Variants in KCNMA1 observed in about 807,000 individuals in gnomAD.
The protein encoded by KCNMA1 is potassium calcium-activated channel subfamily M alpha 1.
A neutral mutation model predicts 140.0 loss-of-function variants in KCNMA1; 29 were observed. The observed-to-expected ratio is 0.21, with a 90% confidence interval of 0.15 to 0.28. The LOEUF (loss-of-function observed/expected upper bound fraction) is 0.28. Among genes scored for constraint, KCNMA1 ranks in the 10% least tolerant of loss-of-function variants. The pLI, the probability that KCNMA1 is intolerant of heterozygous loss-of-function variation, is 1.00. For missense variants in KCNMA1, 880 were observed against 1,602.2 expected, an observed-to-expected ratio of 0.55 and a Z score of 7.70; for synonymous variants, 612 against 611.9, an observed-to-expected ratio of 1.00 and a Z score of 0.00.
intron 3 of KCNMA1, among the ~76,000 whole-genome samples, chr10:77,198,463 C>T (rs937130343): frequency 2.0e-5 from 3 of 151,804 alleles, no homozygotes; most frequent in Admixed American, 6.6e-5. Flanking sequence ...GAACAGTGAG[C>T]TCACCTCATA....
intron 1 of KCNMA1, among the ~76,000 whole-genome samples, chr10:77,434,545 T>A (rs2097216885): frequency 6.6e-6 from 1 of 152,196 alleles, no homozygotes; most frequent in Non-Finnish European, 1.5e-5. Flanking sequence ...TTGACATACA[T>A]TCTTTTGTAT....
intron 1 of KCNMA1, among the ~76,000 whole-genome samples, chr10:77,510,599 C>T (rs1193476600): frequency 6.6e-6 from 1 of 151,118 alleles, no homozygotes; most frequent in Non-Finnish European, 1.5e-5. Flanking sequence ...ACCAAGAAAC[C>T]TATGTTTCTC....
Position 77,506,596 on chromosome 10 carries a change from A to AGAGAGAGAGAGTGTGTGTGT in KCNMA1, c.379-102574_379-102573insACACACACACTCTCTCTCTC. 6.3e-4 allele frequency among the ~76,000 whole-genome samples: 53 copies of AGAGAGAGAGAGTGTGTGTGT among 83,568 alleles called. 4 individuals are homozygous for AGAGAGAGAGAGTGTGTGTGT. Among genetic ancestry groups the AGAGAGAGAGAGTGTGTGTGT allele is most frequent in the African/African-American group, 3.7e-3 (49 of 13,410 alleles). 54.8% of individuals were successfully genotyped at this position (83,568 alleles called of 152,430 possible). A position where few individuals can be genotyped will look rare whatever the true frequency, so the allele number is the denominator to read the frequency against. On this transcript the variant is annotated intron_variant, in intron 1 of 27. Coordinates refer to ENST00000286628, the MANE Select transcript of KCNMA1 (RefSeq NM_001161352.2). ...TAGAGAGAGAGAGAGAGAGAGAGAG[A>AGAGAGAGAGAGTGTGTGTGT]GTGTGTGTGTGTGTGTGTGTGTGTT...
At chr10:77,622,474 C>T (rs144351774) in intron 1 of KCNMA1, among the ~76,000 whole-genome samples, 16 of 152,340 alleles carry the variant, frequency 1.1e-4, no homozygotes, top group Non-Finnish European at 2.2e-4. Flanking sequence ...GTTACTCAAC[C>T]TCTCTGTGCC....
chr10:76,953,782 T>C lies in KCNMA1; in HGVS notation c.2484+19A>G. 1 of 1,613,924 alleles carries C rather than the reference T, an allele frequency of 6.2e-7. No homozygotes were observed. The highest frequency in any genetic ancestry group is 8.5e-7 in the Non-Finnish European group (1 of 1,179,862). On this transcript the variant is annotated intron_variant, in intron 21 of 27. Transcript: ENST00000286628. Reference sequence around the variant, plus strand: ...TGGGGCAGAAGCGGGCAACATCAGATGCACAGTCCCTCACTCACCAGGATG... The same window carrying C: ...TGGGGCAGAAGCGGGCAACATCAGACGCACAGTCCCTCACTCACCAGGATG...
intron 2 of KCNMA1, among the ~76,000 whole-genome samples, chr10:77,269,782 T>TC (rs1486216184): frequency 6.6e-6 from 1 of 152,124 alleles, no homozygotes; most frequent in Non-Finnish European, 1.5e-5. Flanking sequence ...GTCTTCAATG[T>TC]CCCCACTTGA....
At chr10:77,268,117 T>A (rs980071095) in intron 2 of KCNMA1, among the ~76,000 whole-genome samples, 2 of 152,154 alleles carry the variant, frequency 1.3e-5, no homozygotes, top group Admixed American at 1.3e-4. Context: ...TAAGTTGCAC[T>A]TGGGTCCTTG....
chr10:77,109,727 G>T (rs2097276139), intron 8 of KCNMA1, among the ~76,000 whole-genome samples: 1 of 151,690 alleles, frequency 6.6e-6, no homozygotes, highest in Non-Finnish European at 1.5e-5. Flanking sequence ...CCCAGCCACA[G>T]TGTTTGTTGG....
intron 14 of KCNMA1, among the ~76,000 whole-genome samples, chr10:77,048,733 G>A (rs1422863857): frequency 1.3e-5 from 2 of 152,134 alleles, no homozygotes; most frequent in South Asian, 2.1e-4. Flanking sequence ...CATGTTAAGA[G>A]GAATTGTAAA....
intron 15 of KCNMA1, among the ~76,000 whole-genome samples, chr10:77,034,432 T>C (rs2094175974): frequency 6.6e-6 from 1 of 152,188 alleles, no homozygotes; most frequent in Non-Finnish European, 1.5e-5. Context: ...TTAAACTAGC[T>C]ACAGTTTTCA....
chr10:76,913,803 C>T (rs1351045275), intron 24 of KCNMA1: 2 of 444,000 alleles, frequency 4.5e-6, no homozygotes, highest in East Asian at 3.5e-5. Flanking sequence ...AGCAAATATG[C>T]TTTGGAAACA....
chr10:77,395,879 T>A (rs554376779), intron 2 of KCNMA1, among the ~76,000 whole-genome samples: 1 of 152,354 alleles, frequency 6.6e-6, no homozygotes, highest in South Asian at 2.1e-4. Context: ...CTCATCTGGG[T>A]AAATGATGTT....
chr10:77,442,665 G>GC (rs1445456758), intron 1 of KCNMA1, among the ~76,000 whole-genome samples: 2 of 152,140 alleles, frequency 1.3e-5, no homozygotes, highest in Non-Finnish European at 2.9e-5. Context: ...CTGGCACACA[G>GC]CAAGTGCTTG....
intron 19 of KCNMA1, among the ~76,000 whole-genome samples, chr10:76,978,781 C>T (rs908997493): frequency 1.3e-5 from 2 of 152,178 alleles, no homozygotes; most frequent in Non-Finnish European, 2.9e-5. Flanking sequence ...TGGAAGGGCT[C>T]ACACCCATGG....
chr10:77,612,243 C>T (rs964274831), intron 1 of KCNMA1, among the ~76,000 whole-genome samples: 11 of 152,196 alleles, frequency 7.2e-5, no homozygotes, highest in Non-Finnish European at 1.2e-4. Context: ...GTCATGGTCA[C>T]GAAACTGGCT....
At chr10:77,004,896 T>C (rs1471397236) in intron 18 of KCNMA1, among the ~76,000 whole-genome samples, 1 of 152,186 alleles carries the variant, frequency 6.6e-6, no homozygotes, top group Non-Finnish European at 1.5e-5. Flanking sequence ...GAGTTCCACT[T>C]TAAATTCCCA....
chr10:76,959,020 A>G (rs2069693831), intron 20 of KCNMA1, among the ~76,000 whole-genome samples: 1 of 152,192 alleles, frequency 6.6e-6, no homozygotes, highest in Admixed American at 6.5e-5. Context: ...TTTCAGGAAT[A>G]CATAGACATA....
intron 20 of KCNMA1, among the ~76,000 whole-genome samples, chr10:76,954,701 C>A (rs1207468445): frequency 6.6e-6 from 1 of 152,176 alleles, no homozygotes; most frequent in African/African-American, 2.4e-5. Context: ...TGCTGCATAT[C>A]TTAGATGAGA....
At chr10:77,443,066 A>G (rs1451749047) in intron 1 of KCNMA1, among the ~76,000 whole-genome samples, 3 of 152,180 alleles carry the variant, frequency 2.0e-5, no homozygotes, top group Non-Finnish European at 4.4e-5. Flanking sequence ...GACACCCACG[A>G]TCCAGGGTGG....
Sources: allele counts gnomAD v4.1 joint callset (sites outside exome capture counted in the v4.1 genomes callset), GRCh38; gene constraint gnomAD v4.1.1; transcripts MANE v1.5; gene names NCBI Gene and HGNC (gene_info 2026-07-23, HGNC 2026-07-21).